ANKRD20A1: variants seen among roughly 807,000 people sequenced by gnomAD.
The protein encoded by ANKRD20A1 is ankyrin repeat domain-containing protein 20A1.
ANKRD20A1 carries 2 observed loss-of-function variants against 50.9 expected under a neutral mutation model. That is an observed-to-expected ratio of 0.04 (90% CI 0.02 to 0.12). The LOEUF is 0.12. Among genes scored for constraint, ANKRD20A1 ranks in the 10% least tolerant of loss-of-function variants. The pLI is 1.00. For missense variants in ANKRD20A1, 31 were observed against 548.1 expected, an observed-to-expected ratio of 0.06 and a Z score of 9.42; for synonymous variants, 10 against 186.2, an observed-to-expected ratio of 0.05 and a Z score of 7.70.
At chr9:67,882,793 C>T (rs368011813) in intron 8 of ANKRD20A1, among the ~76,000 whole-genome samples, 3,435 of 148,264 alleles carry the variant, frequency 0.023, 7 homozygotes, top group South Asian at 0.041. Context: ...CCCCCTTGTC[C>T]GCCCCACGAC....
chr9:67,885,035 A>G (rs1411150718), intron 9 of ANKRD20A1, among the ~76,000 whole-genome samples: 1 of 120,484 alleles, frequency 8.3e-6, no homozygotes, highest in Admixed American at 9.9e-5. Flanking sequence ...TCTCTAACCA[A>G]GGGTCAGCAG....
chr9:67,871,452 A>G (rs549295244), intron 6 of ANKRD20A1, among the ~76,000 whole-genome samples: 1 of 138,600 alleles, frequency 7.2e-6, no homozygotes, highest in East Asian at 2.2e-4. Flanking sequence ...ATAATCTCAA[A>G]CATTATTGTC....
intron 12 of ANKRD20A1, among the ~76,000 whole-genome samples, chr9:67,897,196 T>G (rs1587606724): frequency 1.7e-5 from 2 of 116,536 alleles, no homozygotes; most frequent in Admixed American, 1.1e-4. Flanking sequence ...ACAGAAGACA[T>G]ATATTATGCC....
rs1276484469 is a variant in ANKRD20A1 at position 67,859,418 on chromosome 9, G to A, written c.-9G>A. The A allele has an allele frequency of 1.7e-6, 1 of 592,096 alleles. No homozygotes were observed. Among genetic ancestry groups the A allele is most frequent in the Non-Finnish European group, 2.3e-6 (1 of 428,912 alleles). The allele number at this position is 592,096 out of a possible 1,614,324, so 36.7% of individuals were successfully genotyped here. Reference sequence around the variant, plus strand: ...CCGGTGGTTGGGGGTCTGAGAAGAAGTCACCAATATGAAGTTATTCGGCTT... The same window carrying A: ...CCGGTGGTTGGGGGTCTGAGAAGAAATCACCAATATGAAGTTATTCGGCTT... On this transcript the variant is annotated 5_prime_UTR_variant, in exon 1 of 15. Transcript: ENST00000562196.
intron 8 of ANKRD20A1, among the ~76,000 whole-genome samples, chr9:67,882,218 C>T (rs1315016297): frequency 6.6e-6 from 1 of 150,998 alleles, no homozygotes; most frequent in African/African-American, 2.4e-5. Flanking sequence ...AACTGTTGGG[C>T]TCAAGTGTTC....
At chr9:67,892,710 C>CA (rs1424664686) in intron 11 of ANKRD20A1, among the ~76,000 whole-genome samples, 1 of 134,792 alleles carries the variant, frequency 7.4e-6, no homozygotes, top group East Asian at 2.6e-4. Context: ...ACTGCAACCT[C>CA]AAACTCCTGG....
intron 3 of ANKRD20A1, among the ~76,000 whole-genome samples, chr9:67,865,563 ATTTGT>A (rs1827550843): frequency 6.7e-6 from 1 of 149,110 alleles, no homozygotes; most frequent in African/African-American, 2.5e-5. Context: ...TGGTACACAG[ATTTGT>A]TTGTTTGCCT....
chr9:67,891,296 A>G (rs1827943172), intron 11 of ANKRD20A1, among the ~76,000 whole-genome samples: 1 of 139,574 alleles, frequency 7.2e-6, no homozygotes, highest in Non-Finnish European at 1.6e-5. Context: ...CTCCATCTCA[A>G]ACAACAACAA....
intron 3 of ANKRD20A1, among the ~76,000 whole-genome samples, chr9:67,863,704 T>G (rs76914869): frequency 0.95 from 25,444 of 26,704 alleles, 12,637 homozygotes; most frequent in South Asian, 1. Flanking sequence ...ACACAGGAAA[T>G]AAAATATTCC....
chr9:67,871,176 G>GA lies in ANKRD20A1; in HGVS notation c.759dup (p.His254ThrfsTer2), dbSNP rs764968158. 2.0e-6 allele frequency: 3 copies of GA among 1,481,244 alleles called. No homozygotes were observed. In the African/African-American group the frequency reaches 4.3e-5, roughly 21 times the overall value. The allele number at this position is 1,481,244 out of a possible 1,614,324, so 91.8% of individuals were successfully genotyped here. A position where few individuals can be genotyped will look rare whatever the true frequency, so the allele number is the denominator to read the frequency against. On this transcript the variant is annotated frameshift_variant, in exon 6 of 15. Transcript: ENST00000562196. LOFTEE classifies it high-confidence loss of function. ...ACATAGAATTCAACAACAAATTTTG[G>GA]AACATAAAAAGAAGATACTTAAAAA...
chr9:67,865,321 TGGG>T, intron 3 of ANKRD20A1, among the ~76,000 whole-genome samples: 1 of 145,780 alleles, frequency 6.9e-6, no homozygotes, highest in Non-Finnish European at 1.5e-5. Context: ...GTTAACAATC[TGGG>T]AAAATTATAT....
chr9:67,882,403 G>A (rs1424738713), intron 8 of ANKRD20A1, among the ~76,000 whole-genome samples: 2 of 141,580 alleles, frequency 1.4e-5, no homozygotes, highest in Admixed American at 1.5e-4. Context: ...TGCTTACATT[G>A]TATTTTTTAA....
intron 11 of ANKRD20A1, among the ~76,000 whole-genome samples, chr9:67,890,103 C>T: frequency 1.1e-5 from 1 of 89,658 alleles, no homozygotes; most frequent in African/African-American, 4.0e-5. Context: ...TTCATGCTAC[C>T]ATAGTTCTGG....
intron 8 of ANKRD20A1, among the ~76,000 whole-genome samples, chr9:67,884,185 G>T (rs1460459498): frequency 1.2e-4 from 17 of 142,142 alleles, no homozygotes; most frequent in African/African-American, 4.2e-4. Flanking sequence ...ATTTACTTGA[G>T]CCCAGGAGTT....
In ANKRD20A1 at chr9:67,861,163, C is replaced by G. The variant is rs1415969123; in HGVS notation, c.203+1534C>G. The stretch of plus-strand genomic sequence containing the variant: ...TCCTTGGGAAGAGAGGAATATGAAT[C>G]TTGCGCTGATGAAAATAATTTCTCA... On this transcript the variant is annotated intron_variant, in intron 1 of 14. Transcript: ENST00000562196. Among the ~76,000 whole-genome samples, 2 of 46,372 alleles carry G rather than the reference C, an allele frequency of 4.3e-5. 1 individual carries two copies. The highest frequency in any genetic ancestry group is 8.5e-5 in the Non-Finnish European group (2 of 23,488). 30.4% of individuals were successfully genotyped at this position (46,372 alleles called of 152,430 possible).
At chr9:67,894,272 T>C (rs1357347838) in intron 12 of ANKRD20A1, among the ~76,000 whole-genome samples, 1 of 150,530 alleles carries the variant, frequency 6.6e-6, no homozygotes, top group Non-Finnish European at 1.5e-5. Flanking sequence ...ATTATTTGAA[T>C]TAGAATTTAA....
chr9:67,882,883 A>G (rs1158794796), intron 8 of ANKRD20A1, among the ~76,000 whole-genome samples: 1 of 150,414 alleles, frequency 6.6e-6, no homozygotes, highest in African/African-American at 2.4e-5. Flanking sequence ...GAGAACATGC[A>G]GTGTTTGGTT....
At chr9:67,898,103 T>C (rs1298340442) in intron 13 of ANKRD20A1, among the ~76,000 whole-genome samples, 86 of 98,952 alleles carry the variant, frequency 8.7e-4, no homozygotes, top group Non-Finnish European at 7.2e-4. Flanking sequence ...TCACAGGAGA[T>C]AATTGTCATT....
intron 8 of ANKRD20A1, among the ~76,000 whole-genome samples, chr9:67,882,598 A>T (rs2131556630): frequency 6.7e-6 from 1 of 149,878 alleles, no homozygotes; most frequent in Admixed American, 6.8e-5. Flanking sequence ...ATTAGCTCCA[A>T]CTCATGTTTT....
Sources: gnomAD v4.1 joint callset for allele counts (sites outside exome capture counted in the v4.1 genomes callset) on GRCh38, gnomAD v4.1.1 for gene constraint, MANE v1.5 for transcripts, NCBI Gene and HGNC (gene_info 2026-07-23, HGNC 2026-07-21) for gene names.